The following PPP1R13B variants were observed in gnomAD, a reference collection of about 807,000 sequenced individuals.
PPP1R13B encodes protein phosphatase 1 regulatory subunit 13B, also known as apoptosis-stimulating of p53 protein 1.
A neutral mutation model predicts 119.8 loss-of-function variants in PPP1R13B; 44 were observed. The ratio of observed to expected loss-of-function variants is 0.37; its 90% CI spans 0.29 to 0.47. The LOEUF (loss-of-function observed/expected upper bound fraction) is 0.47. Among genes scored for constraint, PPP1R13B ranks in the 20% least tolerant of loss-of-function variants. The probability of loss-of-function intolerance (pLI) is 0.99; values close to 1 mark genes in which losing one functional copy is unlikely to be tolerated. For synonymous variants in PPP1R13B, 542 were observed against 561.5 expected (o/e 0.97, Z 0.49); for missense variants, 1,227 against 1,413.5 (o/e 0.87, Z 2.12).
intron 8 of PPP1R13B, 87 bp from the exon 9 acceptor site, chr14:103,746,640 G>T: frequency 8.3e-7 from 1 of 1,211,276 alleles, no homozygotes; most frequent in Non-Finnish European, 1.1e-6. Flanking sequence ...AGCTCGGACA[G>T]AAAGCACTCA....
chr14:103,785,658 C>CT (rs2152026651), intron 2 of PPP1R13B, among the ~76,000 whole-genome samples: 1 of 151,666 alleles, frequency 6.6e-6, no homozygotes, highest in South Asian at 2.1e-4. Context: ...ATTACAGGTG[C>CT]CCACCACCAT....
intron 1 of PPP1R13B, among the ~76,000 whole-genome samples, chr14:103,833,830 T>C (rs1233652390): frequency 2.0e-5 from 3 of 152,094 alleles, no homozygotes; most frequent in African/African-American, 7.2e-5. Context: ...GACTTTTATC[T>C]TTTGGAATGG....
chr14:103,780,162 A>G (rs2152018534), intron 3 of PPP1R13B, among the ~76,000 whole-genome samples: 1 of 147,222 alleles, frequency 6.8e-6, no homozygotes, highest in Admixed American at 6.8e-5. Context: ...AAAAACCAAA[A>G]CTAAAAGCAA....
intron 4 of PPP1R13B, among the ~76,000 whole-genome samples, chr14:103,776,295 T>C (rs542464184): frequency 2.6e-5 from 4 of 152,082 alleles, no homozygotes; most frequent in East Asian, 3.9e-4. Context: ...AGAGATACTG[T>C]TTAAAGTTGA....
At chr14:103,835,073 T>C (rs1364884651) in intron 1 of PPP1R13B, among the ~76,000 whole-genome samples, 1 of 152,170 alleles carries the variant, frequency 6.6e-6, no homozygotes, top group African/African-American at 2.4e-5. Context: ...GCCTCATGGT[T>C]GCTGGAGAAA....
intron 4 of PPP1R13B, chr14:103,764,489 A>C (rs760215239): frequency 2.0e-5 from 7 of 352,168 alleles, no homozygotes; most frequent in Non-Finnish European, 4.0e-5. Context: ...CCTTTATCAG[A>C]AAATACAATG....
At position 103,847,340 on chromosome 14, in the gene PPP1R13B, G is replaced by A; in HGVS notation, c.-33C>T. Reference sequence around the variant, plus strand: ...AGAGTCCGCGACGCCCTCGGCCGCCGCCTGACAGGACGCTCCGCGCCGAGC... The same window carrying A: ...AGAGTCCGCGACGCCCTCGGCCGCCACCTGACAGGACGCTCCGCGCCGAGC... On this transcript the variant is annotated 5_prime_UTR_variant, in exon 1 of 17. Coordinates refer to ENST00000202556, the MANE Select transcript of PPP1R13B (RefSeq NM_015316.3). 4 of 1,163,988 alleles carry A rather than the reference G, an allele frequency of 3.4e-6. No homozygotes were observed. Among genetic ancestry groups the A allele is most frequent in the South Asian group, 1.8e-5 (1 of 54,240 alleles). 72.1% of individuals were successfully genotyped at this position (1,163,988 alleles called of 1,614,324 possible). A position where few individuals can be genotyped will look rare whatever the true frequency, so the allele number is the denominator to read the frequency against.
intron 15 of PPP1R13B, 62 bp from the exon 16 acceptor site, chr14:103,736,264 T>G (rs1296964154): frequency 6.5e-7 from 1 of 1,544,986 alleles, no homozygotes; most frequent in South Asian, 1.1e-5. Flanking sequence ...GGGACCCTGC[T>G]CGAGGAACAG....
At chr14:103,830,996 T>C (rs1169244673) in intron 1 of PPP1R13B, among the ~76,000 whole-genome samples, 1 of 149,188 alleles carries the variant, frequency 6.7e-6, no homozygotes, top group Non-Finnish European at 1.5e-5. Context: ...CAGGCTGGAG[T>C]GCAACGGCAC....
At chr14:103,791,936 T>C (rs1375744824) in intron 2 of PPP1R13B, among the ~76,000 whole-genome samples, 1 of 152,204 alleles carries the variant, frequency 6.6e-6, no homozygotes. Context: ...TTTATTCACA[T>C]TGCTTAGGCT....
intron 1 of PPP1R13B, among the ~76,000 whole-genome samples, chr14:103,801,468 C>T (rs1367894936): frequency 6.6e-6 from 1 of 152,132 alleles, no homozygotes; most frequent in Non-Finnish European, 1.5e-5. Flanking sequence ...GTCCCTCTGC[C>T]CAAGTACCCT....
intron 4 of PPP1R13B, among the ~76,000 whole-genome samples, chr14:103,766,899 T>G (rs1368605159): frequency 2.0e-5 from 3 of 152,210 alleles, no homozygotes; most frequent in Non-Finnish European, 2.9e-5. Flanking sequence ...TTCGAACTAA[T>G]GGGAAAGGAT....
chr14:103,742,040 T>C lies in PPP1R13B; in HGVS notation c.1572A>G (p.Val524=). Residue 524 remains valine (V), a synonymous_variant, in exon 11 of 17, where the codon GTA becomes GTG. Coordinates refer to ENST00000202556, the MANE Select transcript of PPP1R13B (RefSeq NM_015316.3). This position sits in a 1 kb window ranked among gnomAD's most constrained non-coding sequence, Gnocchi z 4.9. ...SSQQIQQRIS[V]PPSPTYPPAG... is the part of the protein sequence containing the mutation. ...CTGGCGGGTACGTGGGACTTGGCGG[T>C]ACGGAAATCCTCTGCTGAATCTGTT... 1 of 1,614,214 alleles carries C rather than the reference T, an allele frequency of 6.2e-7. No individual in the cohort carries two copies. The highest frequency in any genetic ancestry group is 8.5e-7 in the Non-Finnish European group (1 of 1,180,034).
chr14:103,817,067 T>G (rs1177263432), intron 1 of PPP1R13B, among the ~76,000 whole-genome samples: 1 of 152,190 alleles, frequency 6.6e-6, no homozygotes, highest in African/African-American at 2.4e-5. Context: ...TTTCTCATCT[T>G]CAGAAAATTA....
At chr14:103,803,400 T>C (rs2085945080) in intron 1 of PPP1R13B, among the ~76,000 whole-genome samples, 3 of 152,120 alleles carry the variant, frequency 2.0e-5, no homozygotes, top group Non-Finnish European at 2.9e-5. Flanking sequence ...TCCCAGCACT[T>C]TGGGAGGCCA....
intron 1 of PPP1R13B, among the ~76,000 whole-genome samples, chr14:103,825,320 G>A (rs1466459590): frequency 6.6e-6 from 1 of 152,176 alleles, no homozygotes; most frequent in Non-Finnish European, 1.5e-5. Flanking sequence ...AAGTGCTCAA[G>A]TGAAAGGAAA....
chr14:103,803,611 C>T (rs2085951284), intron 1 of PPP1R13B, among the ~76,000 whole-genome samples: 1 of 152,056 alleles, frequency 6.6e-6, no homozygotes, highest in Non-Finnish European at 1.5e-5. Context: ...CCACTGCACT[C>T]CAGCCTGGGC....
Position 103,754,245 on chromosome 14 carries a change from C to A in PPP1R13B, c.457-1G>T. 1 of 1,598,174 alleles carries A rather than the reference C, an allele frequency of 6.3e-7. No individual in the cohort carries two copies. The highest frequency in any genetic ancestry group is 8.5e-7 in the Non-Finnish European group (1 of 1,173,746). On this transcript the variant is annotated splice_acceptor_variant, in intron 5 of 16. Coordinates refer to ENST00000202556, the MANE Select transcript of PPP1R13B (RefSeq NM_015316.3). LOFTEE classifies it high-confidence loss of function. ...GCTTTAGAAAATGTAAACGCTGTTCCTAACAAAAGAAAGAAAAATGTAACT... is the reference window on the plus strand; with the variant it reads ...GCTTTAGAAAATGTAAACGCTGTTCATAACAAAAGAAAGAAAAATGTAACT...
intron 2 of PPP1R13B, among the ~76,000 whole-genome samples, chr14:103,792,203 TA>T (rs1309783484): frequency 1.3e-5 from 1 of 78,272 alleles, no homozygotes; most frequent in Non-Finnish European, 3.4e-5. Flanking sequence ...TGTGTGTGTA[TA>T]TTTTTTTAAA....
Sources: allele counts gnomAD v4.1 joint callset (sites outside exome capture counted in the v4.1 genomes callset), GRCh38; gene constraint gnomAD v4.1.1; non-coding constraint Gnocchi (gnomAD v3.1); transcripts MANE v1.5; gene names NCBI Gene and HGNC (gene_info 2026-07-23, HGNC 2026-07-21).